Variants in TENM3 observed in about 807,000 individuals in gnomAD.
TENM3 encodes teneurin transmembrane protein 3.
In TENM3, 63 loss-of-function variants were observed where a neutral mutation model predicts 255.1. The observed-to-expected ratio is 0.25, with a 90% CI of 0.20 to 0.30. The LOEUF (loss-of-function observed/expected upper bound fraction) is 0.30. TENM3 is among the 10% of genes least tolerant of loss of function. TENM3 has a pLI of 1.00. For synonymous variants in TENM3, 1,306 were observed against 1,322.3 expected (o/e 0.99, Z 0.27); for missense variants, 2,929 against 3,461.1 (o/e 0.85, Z 3.86).
intron 1 of TENM3, among the ~76,000 whole-genome samples, chr4:182,229,564 A>T (rs1046859166): frequency 1.3e-5 from 2 of 152,058 alleles, no homozygotes; most frequent in Admixed American, 1.3e-4. Context: ...TTTTGTTTTC[A>T]AAATGCAGCA....
chr4:182,284,810 G>A (rs1421367728), intron 1 of TENM3, among the ~76,000 whole-genome samples: 1 of 152,178 alleles, frequency 6.6e-6, no homozygotes, highest in Non-Finnish European at 1.5e-5. Context: ...TAGCAGTGGT[G>A]GCGGCGATAG....
chr4:182,441,893 G>C (rs1772519100), intron 3 of TENM3, among the ~76,000 whole-genome samples: 1 of 152,206 alleles, frequency 6.6e-6, no homozygotes, highest in Non-Finnish European at 1.5e-5. Flanking sequence ...AATCAGCAAA[G>C]AAATCGTCCC....
chr4:182,584,552 A>G (rs1745812459), intron 3 of TENM3, among the ~76,000 whole-genome samples: 1 of 152,204 alleles, frequency 6.6e-6, no homozygotes, highest in Admixed American at 6.5e-5. Context: ...ACATTTTTCC[A>G]TCTTTTATGC....
At chr4:182,481,808 C>A (rs10029844) in intron 3 of TENM3, among the ~76,000 whole-genome samples, 131,324 of 152,020 alleles carry the variant, frequency 0.86, 58,121 homozygotes, top group East Asian at 1. Flanking sequence ...AAATCAATCA[C>A]TCACTCAATA....
At chr4:182,522,442 T>G (rs1007781036) in intron 3 of TENM3, among the ~76,000 whole-genome samples, 9 of 152,232 alleles carry the variant, frequency 5.9e-5, no homozygotes, top group Non-Finnish European at 1.2e-4. Context: ...GAACTATGTG[T>G]CTTCCTGTGC....
chr4:181,672,949 T>C, the TENM3 span, among the ~76,000 whole-genome samples: 2 of 152,298 alleles, frequency 1.3e-5, no homozygotes, highest in African/African-American at 4.8e-5. Context: ...CTCTGTTCTC[T>C]GTATTTGCTG....
At chr4:182,530,474 A>T (rs1214571854) in intron 3 of TENM3, among the ~76,000 whole-genome samples, 1 of 152,136 alleles carries the variant, frequency 6.6e-6, no homozygotes, top group African/African-American at 2.4e-5. Flanking sequence ...GTGCTGCAGC[A>T]CTCTGTATTG....
At chr4:182,755,458 C>G (rs549346500) in intron 22 of TENM3, 199 bp downstream of exon 22, 1 of 543,782 alleles carries the variant, frequency 1.8e-6, no homozygotes, top group African/African-American at 1.9e-5. Flanking sequence ...GGGAGGATTG[C>G]TTGAGCCCAG....
chr4:181,541,828 T>G, the TENM3 span, among the ~76,000 whole-genome samples: 2 of 152,212 alleles, frequency 1.3e-5, no homozygotes, highest in Non-Finnish European at 2.9e-5. Context: ...AATTTTACTC[T>G]AAGAAAGAAT....
chr4:182,254,332 TC>T (rs1254079931), intron 1 of TENM3, among the ~76,000 whole-genome samples: 1 of 124,764 alleles, frequency 8.0e-6, no homozygotes, highest in Non-Finnish European at 1.7e-5. Flanking sequence ...TTTCTCTCTC[TC>T]TTTTTTTTTT....
chr4:182,039,592 AATG>A, the TENM3 span, among the ~76,000 whole-genome samples: 1 of 152,114 alleles, frequency 6.6e-6, no homozygotes, highest in African/African-American at 2.4e-5. Context: ...GACAAACATG[AATG>A]ATACTATAAC....
At chr4:181,964,663 A>G in the TENM3 span, among the ~76,000 whole-genome samples, 8 of 152,268 alleles carry the variant, frequency 5.3e-5, no homozygotes, top group East Asian at 1.9e-4. Flanking sequence ...CTTCTCGTCT[A>G]TATGACATTA....
intron 1 of TENM3, among the ~76,000 whole-genome samples, chr4:182,252,564 C>G (rs1177887316): frequency 6.6e-6 from 1 of 152,178 alleles, no homozygotes; most frequent in Non-Finnish European, 1.5e-5. Context: ...AGACTTTCTT[C>G]ATAGACCTTC....
chr4:182,635,319 G>A (rs1386446327), intron 5 of TENM3, among the ~76,000 whole-genome samples: 3 of 152,044 alleles, frequency 2.0e-5, no homozygotes, highest in African/African-American at 4.8e-5. Context: ...TTAAATATAC[G>A]GTCCAATGGT....
intron 27 of TENM3, 55 bp downstream of exon 27, chr4:182,796,822 C>A (rs1766526629): frequency 3.5e-6 from 5 of 1,413,522 alleles, no homozygotes; most frequent in Non-Finnish European, 4.8e-6. Flanking sequence ...TCTTATCTAC[C>A]CATATCTAAT....
intron 6 of TENM3, among the ~76,000 whole-genome samples, chr4:182,671,473 G>A (rs929387913): frequency 6.6e-6 from 1 of 152,126 alleles, no homozygotes; most frequent in Non-Finnish European, 1.5e-5. Flanking sequence ...CTTAACTCCT[G>A]TGAAATCTCT....
At chr4:181,462,573 G>A in the TENM3 span, among the ~76,000 whole-genome samples, 2 of 152,112 alleles carry the variant, frequency 1.3e-5, no homozygotes, top group African/African-American at 4.8e-5. Flanking sequence ...ATTTTGCCTG[G>A]TTTTCAAATT....
chr4:181,691,270 T>G, the TENM3 span, among the ~76,000 whole-genome samples: 1 of 152,068 alleles, frequency 6.6e-6, no homozygotes, highest in Admixed American at 6.6e-5. Flanking sequence ...ATTAAGTACA[T>G]GTATATGTGT....
At chr4:181,886,199 C>T in the TENM3 span, among the ~76,000 whole-genome samples, 1 of 151,944 alleles carries the variant, frequency 6.6e-6, no homozygotes, top group Non-Finnish European at 1.5e-5. Flanking sequence ...ACTACAGGCG[C>T]GTGCCACCAC....
Sources: allele counts gnomAD v4.1 joint callset (sites outside exome capture counted in the v4.1 genomes callset), GRCh38; gene constraint gnomAD v4.1.1; transcripts MANE v1.5; gene names NCBI Gene and HGNC (gene_info 2026-07-23, HGNC 2026-07-21).